Variants in PRSS23 observed in about 807,000 individuals in gnomAD.
The protein encoded by PRSS23 is serine protease 23.
A neutral mutation model predicts 34.7 loss-of-function variants in PRSS23; 25 were observed. The ratio of observed to expected loss-of-function variants is 0.72; its 90% confidence interval spans 0.53 to 1.01. The LOEUF is 1.01. Ranked by LOEUF, PRSS23 falls within the 50% of genes least tolerant of loss-of-function variation. The pLI is 0.00. For missense variants in PRSS23, 445 were observed against 475.6 expected (o/e 0.94, Z 0.60); for synonymous variants, 176 against 186.6 (o/e 0.94, Z 0.46).
At chr11:86,821,322 G>T in intron 1 of PRSS23, 1 of 661,206 alleles carries the variant, frequency 1.5e-6, no homozygotes. Context: ...AAATAAACAT[G>T]TGAAAATATT....
chr11:86,851,846 A>G (rs79077694), intron 2 of PRSS23, among the ~76,000 whole-genome samples: 4,958 of 151,998 alleles, frequency 0.033, 286 homozygotes, highest in African/African-American at 0.11. Flanking sequence ...GTGCTTAGGG[A>G]ATAGTTTAGA....
In PRSS23 at chr11:86,791,801, C is replaced by A. The variant is rs143659616; in HGVS notation, c.-14+606C>A. Reference sequence around the variant, plus strand: ...CTCCCCGTGGCACACCTGATGGCATCCATTCATGGTCCTACTGCTCAGAGG... The same window carrying A: ...CTCCCCGTGGCACACCTGATGGCATACATTCATGGTCCTACTGCTCAGAGG... On this transcript the variant is annotated intron_variant, in intron 1 of 1. Coordinates refer to the PRSS23 transcript ENST00000527521. 3.1e-3 allele frequency among the ~76,000 whole-genome samples: 474 copies of A among 152,320 alleles called. 3 individuals carry two copies. Among genetic ancestry groups the A allele is most frequent in the African/African-American group, 0.011 (441 of 41,564 alleles).
chr11:86,862,428 A>G (rs1948622639), intron 2 of PRSS23, among the ~76,000 whole-genome samples: 1 of 151,836 alleles, frequency 6.6e-6, no homozygotes, highest in Non-Finnish European at 1.5e-5. Flanking sequence ...GGCAGTGTAC[A>G]CTTAGTGATA....
At chr11:86,909,207 G>T (rs1294289675) in intron 2 of PRSS23, 1 of 152,172 alleles carries the variant, frequency 6.6e-6, no homozygotes, top group African/African-American at 2.4e-5. Flanking sequence ...ATGGCCTGAG[G>T]TGGCCCACCC....
intron 1 of PRSS23, chr11:86,821,156 C>A: frequency 1.6e-6 from 1 of 631,350 alleles, no homozygotes; most frequent in South Asian, 2.3e-5. Flanking sequence ...TTCACTTTCC[C>A]CAGAAACTGA....
intron 2 of PRSS23, among the ~76,000 whole-genome samples, chr11:86,838,228 C>T (rs568802596): frequency 3.3e-5 from 5 of 152,256 alleles, no homozygotes; most frequent in African/African-American, 1.2e-4. Flanking sequence ...ACATCCATCA[C>T]CACCAAAAAG....
chr11:86,879,728 TG>T (rs1565374795), intron 2 of PRSS23, among the ~76,000 whole-genome samples: 1 of 26,028 alleles, frequency 3.8e-5, no homozygotes. Context: ...GAGGTGGGGG[TG>T]TCAGCCCCCC....
intron 2 of PRSS23, among the ~76,000 whole-genome samples, chr11:86,939,801 C>A (rs759723434): frequency 6.7e-6 from 1 of 148,634 alleles, no homozygotes. Flanking sequence ...GGGGGACACA[C>A]AAAAATGCTA....
chr11:86,921,880 A>C (rs1269151068), intron 2 of PRSS23: 1 of 152,242 alleles, frequency 6.6e-6, no homozygotes, highest in Non-Finnish European at 1.5e-5. Flanking sequence ...CCTGTGGAAA[A>C]GGGAACACCA....
At chr11:86,941,893 A>G (rs138984639) in intron 2 of PRSS23, among the ~76,000 whole-genome samples, 3 of 152,102 alleles carry the variant, frequency 2.0e-5, no homozygotes. Flanking sequence ...CAGTTTCTCC[A>G]TCTAACAAGG....
At chr11:86,899,565 C>T (rs1002771236) in intron 2 of PRSS23, among the ~76,000 whole-genome samples, 6 of 150,290 alleles carry the variant, frequency 4.0e-5, no homozygotes, top group Non-Finnish European at 5.9e-5. Context: ...CCCAGGCTGG[C>T]GTGCAGTGGC....
intron 2 of PRSS23, among the ~76,000 whole-genome samples, chr11:86,878,233 C>CCCTCCCTCTCCCTCATCTCCGT: frequency 1.2e-5 from 1 of 84,866 alleles, no homozygotes; most frequent in Middle Eastern, 6.3e-3. Flanking sequence ...TACCCCTCCC[C>CCCTCCCTCTCCCTCATCTCCGT]CTCCCTCTCC....
At chr11:86,901,809 C>A (rs954114402) in intron 2 of PRSS23, among the ~76,000 whole-genome samples, 2 of 152,164 alleles carry the variant, frequency 1.3e-5, no homozygotes, top group African/African-American at 4.8e-5. Flanking sequence ...AGAAGCCCAG[C>A]TGTTCCCATA....
intron 2 of PRSS23, chr11:86,833,040 C>A: frequency 4.3e-6 from 2 of 465,364 alleles, no homozygotes; most frequent in Non-Finnish European, 7.9e-6. Context: ...GCCACAGAAA[C>A]ATGGGTTCAT....
At chr11:86,952,304 T>C (rs1351971074) in exon 3 of PRSS23, 6 of 1,614,136 alleles carry the variant, frequency 3.7e-6, no homozygotes, top group Non-Finnish European at 5.1e-6. Flanking sequence ...GTGGTCGTTC[T>C]GTGGTGGGAA....
intron 2 of PRSS23, chr11:86,909,841 C>T (rs1466418097): frequency 6.6e-6 from 1 of 152,118 alleles, no homozygotes; most frequent in Non-Finnish European, 1.5e-5. Context: ...CAACCACTGA[C>T]AAAGCAGAAT....
intron 2 of PRSS23, among the ~76,000 whole-genome samples, chr11:86,855,578 C>T (rs1229821902): frequency 6.6e-6 from 1 of 152,144 alleles, no homozygotes; most frequent in East Asian, 1.9e-4. Flanking sequence ...TCACTGCAAC[C>T]TCTGCCTCCT....
chr11:86,823,816 C>T (rs1280569990), intron 2 of PRSS23, among the ~76,000 whole-genome samples: 1 of 151,908 alleles, frequency 6.6e-6, no homozygotes, highest in Non-Finnish European at 1.5e-5. Flanking sequence ...ACCATCCTGG[C>T]TAACACGGTG....
At chr11:86,943,910 T>G (rs1288419151) in intron 2 of PRSS23, among the ~76,000 whole-genome samples, 1 of 151,874 alleles carries the variant, frequency 6.6e-6, no homozygotes, top group Non-Finnish European at 1.5e-5. Context: ...CTGACTAGTT[T>G]TTGTATTTTT....
Sources: gnomAD v4.1 joint callset for allele counts (sites outside exome capture counted in the v4.1 genomes callset) on GRCh38, gnomAD v4.1.1 for gene constraint, MANE v1.5 for transcripts, NCBI Gene and HGNC (gene_info 2026-07-23, HGNC 2026-07-21) for gene names.